The following TENM4 variants were observed in gnomAD, a reference collection of about 807,000 sequenced individuals.
TENM4 encodes the protein teneurin-4.
A neutral mutation model predicts 243.3 loss-of-function variants in TENM4; 82 were observed. The observed-to-expected ratio is 0.34, with a 90% CI of 0.28 to 0.40. The LOEUF is 0.40. Ranked by LOEUF, TENM4 falls within the 10% of genes least tolerant of loss-of-function variation. The pLI is 1.00. For missense variants in TENM4, 3,138 were observed against 3,673.3 expected (o/e 0.85, Z 3.77); for synonymous variants, 1,412 against 1,456.3 (o/e 0.97, Z 0.69).
intron 33 of TENM4, among the ~76,000 whole-genome samples, chr11:78,660,412 CCT>C (rs1309116840): frequency 6.6e-6 from 1 of 151,882 alleles, no homozygotes; most frequent in Non-Finnish European, 1.5e-5. Context: ...CAGTACTTAC[CCT>C]CTTGGGGCTC....
In TENM4 at chr11:78,657,756, G is replaced by A; in HGVS notation, c.*302C>T. 2.1e-6 allele frequency: 1 copy of A among 486,142 alleles called. No homozygotes were observed. The highest frequency in any genetic ancestry group is 2.1e-5 in the South Asian group (1 of 48,136). 30.1% of individuals were successfully genotyped at this position (486,142 alleles called of 1,614,324 possible). On this transcript the variant is annotated 3_prime_UTR_variant, in exon 34 of 34. Transcript: ENST00000278550. ...ACCCCAGGAGATGCATCTCAGAGAG[G>A]AGATACATACCCCAAACGACAAGGG...
intron 17 of TENM4, among the ~76,000 whole-genome samples, chr11:78,776,886 G>A (rs550386222): frequency 6.6e-6 from 1 of 152,214 alleles, no homozygotes; most frequent in African/African-American, 2.4e-5. Context: ...CATTCTCGGT[G>A]ACTTATGGTG....
At chr11:78,913,583 ATGTGTGTGTGTGTG>A (rs55835050) in intron 6 of TENM4, among the ~76,000 whole-genome samples, 2,008 of 141,856 alleles carry the variant, frequency 0.014, 28 homozygotes, top group African/African-American at 0.029. Context: ...GGTAAGAGGT[ATGTGTGTGTGTGTG>A]TGTGTGTGTG....
intron 3 of TENM4, among the ~76,000 whole-genome samples, chr11:79,194,297 G>A (rs1332496350): frequency 6.6e-6 from 1 of 151,562 alleles, no homozygotes; most frequent in Non-Finnish European, 1.5e-5. Flanking sequence ...TAGTAAATTA[G>A]TACAAGCAGA....
intron 28 of TENM4, among the ~76,000 whole-genome samples, chr11:78,689,189 A>G (rs1275362880): frequency 2.0e-5 from 3 of 152,184 alleles, no homozygotes; most frequent in Non-Finnish European, 4.4e-5. Context: ...TCAAACTCAG[A>G]TCTATTTGCT....
intron 16 of TENM4, among the ~76,000 whole-genome samples, chr11:78,782,772 T>C (rs2511828): frequency 2.0e-5 from 3 of 146,792 alleles, no homozygotes; most frequent in African/African-American, 5.0e-5. Flanking sequence ...TCTTTTTTTT[T>C]AAAAAAAAAA....
In TENM4 at chr11:78,720,406, A is replaced by G. The variant is rs763071910; in HGVS notation, c.3801-16T>C. ...ATCTTTATTTCTGACAGAAGACAGG[A>G]GAGCAGGGAATAGAAGAAAGAATGA... On this transcript the variant is annotated splice_polypyrimidine_tract_variant and intron_variant, in intron 24 of 33. Transcript: ENST00000278550. 3 of 1,613,898 alleles carry G rather than the reference A, an allele frequency of 1.9e-6. No homozygotes were observed. Among genetic ancestry groups the G allele is most frequent in the South Asian group, 2.2e-5 (2 of 91,080 alleles).
At position 78,683,319 on chromosome 11, in the gene TENM4, C is replaced by G. The variant is rs530476987; in HGVS notation, c.5260+4735G>C. Among the ~76,000 whole-genome samples the G allele has an allele frequency of 5.0e-3, 367 of 73,336 alleles. 132 individuals are homozygous for G. Among genetic ancestry groups the G allele is most frequent in the Non-Finnish European group, 8.7e-3 (291 of 33,302 alleles). 48.1% of individuals were successfully genotyped at this position (73,336 alleles called of 152,430 possible). ...GGTGGGCTCCACCCAGTTCGAGCTT[C>G]GCGGCTGCTTTGTTTACCTAAGCGA... On this transcript the variant is annotated intron_variant, in intron 29 of 33. Coordinates refer to ENST00000278550, the MANE Select transcript of TENM4 (RefSeq NM_001098816.3).
At chr11:78,953,268 T>A (rs1461915398) in intron 6 of TENM4, among the ~76,000 whole-genome samples, 1 of 152,188 alleles carries the variant, frequency 6.6e-6, no homozygotes, top group Non-Finnish European at 1.5e-5. Flanking sequence ...TTGGGCTTAC[T>A]GTCCCACCCG....
chr11:78,701,476 C>A, intron 28 of TENM4, 50 bp downstream of exon 28: 1 of 1,512,194 alleles, frequency 6.6e-7, no homozygotes. Context: ...TCCAATCCTA[C>A]AATGAATTAA....
intron 19 of TENM4, among the ~76,000 whole-genome samples, chr11:78,748,533 C>G (rs1856106490): frequency 6.6e-6 from 1 of 152,162 alleles, no homozygotes; most frequent in South Asian, 2.1e-4. Flanking sequence ...GATTTCTGAA[C>G]TGAAGATGCT....
chr11:78,989,747 C>T (rs1857995737), intron 6 of TENM4, among the ~76,000 whole-genome samples: 1 of 152,062 alleles, frequency 6.6e-6, no homozygotes, highest in Non-Finnish European at 1.5e-5. Flanking sequence ...AATGGCCTAG[C>T]GTGGAGTATA....
intron 14 of TENM4, among the ~76,000 whole-genome samples, chr11:78,810,512 G>A (rs927808427): frequency 1.3e-5 from 2 of 152,066 alleles, no homozygotes; most frequent in African/African-American, 2.4e-5. Context: ...CAAGTGACTC[G>A]AATAAAAAGG....
chr11:79,414,438 G>A (rs762603885), intron 1 of TENM4, among the ~76,000 whole-genome samples: 1 of 152,140 alleles, frequency 6.6e-6, no homozygotes, highest in Non-Finnish European at 1.5e-5. Context: ...TTGGTCCAAG[G>A]ACCAGAAGAA....
At chr11:79,047,377 T>G (rs1221923254) in intron 6 of TENM4, among the ~76,000 whole-genome samples, 1 of 152,306 alleles carries the variant, frequency 6.6e-6, no homozygotes, top group Non-Finnish European at 1.5e-5. Flanking sequence ...AGCTAATCAA[T>G]AGTGGGCAGC....
intron 30 of TENM4, among the ~76,000 whole-genome samples, chr11:78,675,733 T>C (rs907497192): frequency 1.3e-5 from 2 of 152,176 alleles, no homozygotes; most frequent in Non-Finnish European, 2.9e-5. Flanking sequence ...TGGTAATAAA[T>C]CATAACAATA....
intron 3 of TENM4, among the ~76,000 whole-genome samples, chr11:79,161,947 A>G (rs942011073): frequency 1.3e-5 from 2 of 152,212 alleles, no homozygotes; most frequent in Admixed American, 1.3e-4. Context: ...ACCCCCAGTT[A>G]CAAATTAGCA....
intron 1 of TENM4, among the ~76,000 whole-genome samples, chr11:79,347,680 C>T (rs1379609209): frequency 2.0e-5 from 3 of 151,962 alleles, no homozygotes; most frequent in African/African-American, 7.3e-5. Flanking sequence ...CCTTCAGCCT[C>T]CATTTCCCTG....
chr11:79,422,904 C>G (rs932109684), intron 1 of TENM4, among the ~76,000 whole-genome samples: 1 of 152,184 alleles, frequency 6.6e-6, no homozygotes, highest in Non-Finnish European at 1.5e-5. Flanking sequence ...TTTAAAACAG[C>G]CTTCTGATAG....
Sources: gnomAD v4.1 joint callset for allele counts (sites outside exome capture counted in the v4.1 genomes callset) on GRCh38, gnomAD v4.1.1 for gene constraint, MANE v1.5 for transcripts, NCBI Gene and HGNC (gene_info 2026-07-23, HGNC 2026-07-21) for gene names.